The following FHIT variants were observed in gnomAD, a reference collection of about 807,000 sequenced individuals.
FHIT encodes the protein fragile histidine triad diadenosine triphosphatase, also known as bis(5'-adenosyl)-triphosphatase.
A neutral mutation model predicts 17.9 loss-of-function variants in FHIT; 19 were observed. The ratio of observed to expected loss-of-function variants is 1.06; its 90% CI spans 0.74 to 1.56. The LOEUF is 1.56. Ranked by LOEUF, FHIT falls within the 40% of genes most tolerant of loss-of-function variation. FHIT has a pLI of 0.00. For synonymous variants in FHIT, 81 were observed against 69.7 expected, an observed-to-expected ratio of 1.16 and a Z score of -0.81; for missense variants, 248 against 189.2, an observed-to-expected ratio of 1.31 and a Z score of -1.82.
intron 2 of FHIT, among the ~76,000 whole-genome samples, chr3:61,132,264 A>T (rs1284192983): frequency 1.3e-5 from 2 of 152,228 alleles, no homozygotes; most frequent in African/African-American, 4.8e-5. Flanking sequence ...GTTGAGCCCT[A>T]CATGAGATCA....
chr3:60,477,494 G>T (rs2033404757), intron 5 of FHIT, among the ~76,000 whole-genome samples: 1 of 151,992 alleles, frequency 6.6e-6, no homozygotes, highest in African/African-American at 2.4e-5. Flanking sequence ...GTACTCTCTT[G>T]CCAGGCATCA....
intron 4 of FHIT, among the ~76,000 whole-genome samples, chr3:60,564,974 C>G (rs2037081259): frequency 6.6e-6 from 1 of 152,076 alleles, no homozygotes; most frequent in Admixed American, 6.6e-5. Context: ...AAGGAAGAAT[C>G]AATCAGTATG....
chr3:60,348,429 G>T (rs1174050826), intron 5 of FHIT, among the ~76,000 whole-genome samples: 1 of 149,116 alleles, frequency 6.7e-6, no homozygotes, highest in East Asian at 1.9e-4. Context: ...TAAAACTAAG[G>T]ATTTTATTTT....
chr3:60,606,584 A>G (rs2038615533), intron 4 of FHIT, among the ~76,000 whole-genome samples: 1 of 152,088 alleles, frequency 6.6e-6, no homozygotes, highest in South Asian at 2.1e-4. Context: ...TTCTCCTATT[A>G]TAAGCCACCA....
At position 61,184,822 on chromosome 3, in the gene FHIT, T is replaced by C. The variant is rs529905785; in HGVS notation, c.-164+15795A>G. Among the ~76,000 whole-genome samples, 3 of 152,280 alleles carry C rather than the reference T, an allele frequency of 2.0e-5. No homozygotes were observed. The South Asian group carries it at 6.2e-4, about 32-fold the overall frequency. On this transcript the variant is annotated intron_variant, in intron 2 of 9. Transcript: ENST00000492590. ...GGCCTCTAGACCTCAGAATCCACTC[T>C]AATGAACACGCTGTGTTTAAACAAG...
intron 4 of FHIT, among the ~76,000 whole-genome samples, chr3:60,693,567 C>A (rs2041042384): frequency 6.6e-6 from 1 of 152,170 alleles, no homozygotes; most frequent in South Asian, 2.1e-4. Flanking sequence ...AGGGAATTGA[C>A]AAAGGCATAT....
chr3:60,335,276 TA>T (rs937587457), intron 5 of FHIT, among the ~76,000 whole-genome samples: 1 of 152,042 alleles, frequency 6.6e-6, no homozygotes. Flanking sequence ...TGCCACAACT[TA>T]AAAAAAACTT....
intron 5 of FHIT, among the ~76,000 whole-genome samples, chr3:60,075,483 T>A (rs1384102180): frequency 6.6e-6 from 1 of 152,186 alleles, no homozygotes; most frequent in African/African-American, 2.4e-5. Flanking sequence ...TTTAATTCCA[T>A]ATTATTCGAG....
chr3:60,015,063 T>C (rs1700290312), intron 5 of FHIT, among the ~76,000 whole-genome samples: 1 of 151,720 alleles, frequency 6.6e-6, no homozygotes, highest in South Asian at 2.1e-4. Context: ...AGTTTTTAGA[T>C]ACTAACAAGA....
At chr3:60,319,225 TTTC>T (rs1470966343) in intron 5 of FHIT, among the ~76,000 whole-genome samples, 1 of 152,062 alleles carries the variant, frequency 6.6e-6, no homozygotes, top group Admixed American at 6.6e-5. Flanking sequence ...CTCTTTGGAT[TTTC>T]TTCTTAATAC....
At chr3:59,763,870 G>T (rs1057072274) in intron 8 of FHIT, among the ~76,000 whole-genome samples, 1 of 152,158 alleles carries the variant, frequency 6.6e-6, no homozygotes, top group Non-Finnish European at 1.5e-5. Flanking sequence ...GGAGAAGTGG[G>T]AAAATCTCCC....
chr3:59,825,881 C>T (rs1019627752), intron 8 of FHIT, among the ~76,000 whole-genome samples: 37 of 152,176 alleles, frequency 2.4e-4, no homozygotes, highest in African/African-American at 8.9e-4. Context: ...CTTATTGATT[C>T]TTTAATGGCC....
At chr3:60,039,101 A>G (rs1307793769) in intron 5 of FHIT, among the ~76,000 whole-genome samples, 2 of 152,156 alleles carry the variant, frequency 1.3e-5, no homozygotes, top group Non-Finnish European at 2.9e-5. Flanking sequence ...TAGGATTTGA[A>G]TAGTTAGGGG....
At chr3:60,462,411 C>G (rs2032530498) in intron 5 of FHIT, among the ~76,000 whole-genome samples, 2 of 152,160 alleles carry the variant, frequency 1.3e-5, no homozygotes, top group African/African-American at 4.8e-5. Flanking sequence ...ACCCTACCTC[C>G]TCTCCCAAAC....
chr3:61,095,671 T>C (rs1288463077), intron 2 of FHIT, among the ~76,000 whole-genome samples: 1 of 152,084 alleles, frequency 6.6e-6, no homozygotes. Context: ...AATTCATCTT[T>C]CCCTATCTCT....
intron 4 of FHIT, among the ~76,000 whole-genome samples, chr3:60,773,001 C>G (rs574342410): frequency 6.6e-6 from 1 of 152,164 alleles, no homozygotes; most frequent in Non-Finnish European, 1.5e-5. Flanking sequence ...AGCCCCTAAC[C>G]TACAAGCCTT....
At chr3:61,053,873 A>C (rs1472408830) in intron 2 of FHIT, among the ~76,000 whole-genome samples, 2 of 152,188 alleles carry the variant, frequency 1.3e-5, no homozygotes, top group Non-Finnish European at 2.9e-5. Context: ...TAAAGGAAAC[A>C]ATTAGAAACT....
chr3:59,778,659 A>T (rs1476688736), intron 8 of FHIT, among the ~76,000 whole-genome samples: 1 of 152,208 alleles, frequency 6.6e-6, no homozygotes, highest in Non-Finnish European at 1.5e-5. Context: ...CCAACTTGGC[A>T]TGTGGGCCAC....
chr3:60,648,897 G>A (rs1377207309), intron 4 of FHIT, among the ~76,000 whole-genome samples: 2 of 152,150 alleles, frequency 1.3e-5, no homozygotes, highest in African/African-American at 4.8e-5. Context: ...AGGGGCACGT[G>A]GAGGAATAAA....
Sources: gnomAD v4.1 joint callset for allele counts (sites outside exome capture counted in the v4.1 genomes callset) on GRCh38, gnomAD v4.1.1 for gene constraint, MANE v1.5 for transcripts, NCBI Gene and HGNC (gene_info 2026-07-23, HGNC 2026-07-21) for gene names.